Variants in MCC observed in about 807,000 individuals in gnomAD.
MCC encodes MCC regulator of Wnt signaling pathway.
A neutral mutation model predicts 116.2 loss-of-function variants in MCC; 90 were observed. That is an observed-to-expected ratio of 0.77 (90% confidence interval 0.65 to 0.92). The LOEUF (loss-of-function observed/expected upper bound fraction) is 0.92, where lower values mean the gene tolerates loss of function less well. Ranked by LOEUF, MCC falls within the 40% of genes least tolerant of loss-of-function variation. MCC has a pLI of 0.00. For missense variants in MCC, 1,516 were observed against 1,312.2 expected (o/e 1.16, Z -2.40); for synonymous variants, 578 against 510.5 (o/e 1.13, Z -1.78).
chr5:113,341,930 C>T (rs1318809218), intron 2 of MCC, among the ~76,000 whole-genome samples: 4 of 152,200 alleles, frequency 2.6e-5, no homozygotes, highest in East Asian at 1.9e-4. Flanking sequence ...GACTTTGGTG[C>T]ACCCATCACC....
At chr5:113,148,458 T>A (rs1172525381) in intron 4 of MCC, among the ~76,000 whole-genome samples, 1 of 152,236 alleles carries the variant, frequency 6.6e-6, no homozygotes, top group Non-Finnish European at 1.5e-5. Flanking sequence ...CAACAGATGT[T>A]GCAGCTCTCT....
chr5:113,058,103 G>C (rs890514199), intron 14 of MCC, among the ~76,000 whole-genome samples: 2 of 152,126 alleles, frequency 1.3e-5, no homozygotes, highest in African/African-American at 4.8e-5. Context: ...ATAACCAACA[G>C]CTGTGCGTCT....
At chr5:113,118,477 T>A (rs556484236) in intron 6 of MCC, among the ~76,000 whole-genome samples, 2 of 152,204 alleles carry the variant, frequency 1.3e-5, no homozygotes, top group Non-Finnish European at 2.9e-5. Flanking sequence ...GAAGACAGTG[T>A]CCAGGAACCA....
chr5:113,413,855 T>C (rs985382976), intron 1 of MCC, among the ~76,000 whole-genome samples: 2 of 152,194 alleles, frequency 1.3e-5, no homozygotes, highest in Non-Finnish European at 2.9e-5. Flanking sequence ...TTCTTTTAAT[T>C]GTGATGGTAG....
chr5:113,292,648 G>A (rs1766547925), intron 3 of MCC, among the ~76,000 whole-genome samples: 1 of 152,142 alleles, frequency 6.6e-6, no homozygotes, highest in African/African-American at 2.4e-5. Flanking sequence ...GCTCAAGGAC[G>A]TGCCAATAGG....
At chr5:113,209,863 C>G (rs1307412685) in intron 3 of MCC, among the ~76,000 whole-genome samples, 1 of 151,734 alleles carries the variant, frequency 6.6e-6, no homozygotes, top group Non-Finnish European at 1.5e-5. Flanking sequence ...AACAAACAAA[C>G]AAAAGCAAAA....
At position 113,104,254 on chromosome 5, in the gene MCC, C is replaced by T. The variant is rs1374279707; in HGVS notation, c.1129G>A (p.Glu377Lys). 3 of 1,614,084 alleles carry T rather than the reference C, an allele frequency of 1.9e-6. No homozygotes were observed. Among genetic ancestry groups the T allele is most frequent in the Non-Finnish European group, 1.7e-6 (2 of 1,180,026 alleles). The change falls in exon 7 of 19, where the codon GAG becomes AAG. Residue 377 changes from glutamate to lysine, a missense_variant. By Grantham distance (56) the Glu-to-Lys change is moderately conservative. Transcript: ENST00000408903. ...AGCTGCTCAATGTGCTTGTCCACCT[C>T]GGCCACGGAGAGGCTGCAGCTGCTC... Reference protein sequence around the residue: ...KKSSCSLSVAEVDKHIEQLTT... With the variant: ...KKSSCSLSVAKVDKHIEQLTT...
chr5:113,306,328 C>T (rs1766983697), intron 3 of MCC, among the ~76,000 whole-genome samples: 2 of 152,270 alleles, frequency 1.3e-5, no homozygotes, highest in South Asian at 4.2e-4. Context: ...TAAGGAACTA[C>T]CAAATTACTA....
chr5:113,270,610 T>A (rs764883367), intron 3 of MCC, among the ~76,000 whole-genome samples: 1 of 149,528 alleles, frequency 6.7e-6, no homozygotes. Flanking sequence ...TCCCACACAA[T>A]GGGACACAGA....
intron 11 of MCC, among the ~76,000 whole-genome samples, chr5:113,072,408 A>G (rs1415622987): frequency 6.6e-6 from 1 of 152,196 alleles, no homozygotes; most frequent in Non-Finnish European, 1.5e-5. Flanking sequence ...TCTTGAAAAG[A>G]GTCACCATTC....
rs1311855451 is a variant in MCC, at chr5:113,022,235, C to G, written c.*5067G>C. ...ACGCAAAGTAGCTATTTTACAGCAG[C>G]TAAAACTAAAGGCATCTGGAAACAT... is the stretch of plus-strand genomic sequence containing the variant. On this transcript the variant is annotated 3_prime_UTR_variant, in exon 19 of 19. Transcript: ENST00000408903. 1 of 152,520 alleles carries G rather than the reference C, an allele frequency of 6.6e-6. No homozygotes were observed. The highest frequency in any genetic ancestry group is 2.4e-5 in the African/African-American group (1 of 41,406). 9.4% of individuals were successfully genotyped at this position (152,520 alleles called of 1,614,324 possible).
At chr5:113,253,662 A>G (rs1235593992) in intron 3 of MCC, among the ~76,000 whole-genome samples, 1 of 152,206 alleles carries the variant, frequency 6.6e-6, no homozygotes, top group East Asian at 1.9e-4. Flanking sequence ...GGATGACTAC[A>G]TATGAAGAAA....
In MCC at chr5:113,333,789, T is replaced by A. The variant is rs369158246; in HGVS notation, c.627+6730A>T. Among the ~76,000 whole-genome samples, 9 of 10,072 alleles carry A rather than the reference T, an allele frequency of 8.9e-4. 1 individual carries two copies. In the South Asian group the frequency reaches 0.036, roughly 40 times the overall value. The allele number at this position is 10,072 out of a possible 152,430, so 6.6% of individuals were successfully genotyped here. A position where few individuals can be genotyped will look rare whatever the true frequency, so the allele number is the denominator to read the frequency against. On this transcript the variant is annotated intron_variant, in intron 3 of 18. Transcript: ENST00000408903. ...CAAAATGTCTTTGCTTCATATATAT[T>A]TATATATATATGTATATATGTATAT...
intron 3 of MCC, among the ~76,000 whole-genome samples, chr5:113,238,611 G>A (rs907538510): frequency 2.6e-5 from 4 of 152,326 alleles, no homozygotes; most frequent in East Asian, 1.9e-4. Context: ...AATGAAGGCT[G>A]TTAATGCTGA....
intron 5 of MCC, among the ~76,000 whole-genome samples, chr5:113,129,249 G>T (rs564334203): frequency 7.2e-5 from 11 of 152,170 alleles, no homozygotes; most frequent in Non-Finnish European, 1.5e-4. Context: ...GGGAAGAGAA[G>T]ATCAACTGTC....
intron 6 of MCC, among the ~76,000 whole-genome samples, chr5:113,109,210 T>C (rs1756932758): frequency 6.6e-6 from 1 of 152,196 alleles, no homozygotes; most frequent in Admixed American, 6.5e-5. Flanking sequence ...CAAATAATTG[T>C]ACCCCGATGT....
intron 2 of MCC, 68 bp from the exon 3 acceptor site, chr5:113,340,798 C>G: frequency 7.5e-7 from 1 of 1,324,598 alleles, no homozygotes. Flanking sequence ...GGCCAATAGG[C>G]AATGATTTGG....
intron 3 of MCC, among the ~76,000 whole-genome samples, chr5:113,319,533 A>G (rs1033341344): frequency 2.0e-5 from 3 of 152,148 alleles, no homozygotes; most frequent in Non-Finnish European, 4.4e-5. Context: ...TTGGCTGAGC[A>G]TTTTCTGTGA....
At chr5:113,037,396 G>GT (rs1174562782) in intron 17 of MCC, among the ~76,000 whole-genome samples, 1 of 152,172 alleles carries the variant, frequency 6.6e-6, no homozygotes, top group African/African-American at 2.4e-5. Context: ...CCACTGATGG[G>GT]TAAAGAGTAG....
Sources: allele counts gnomAD v4.1 joint callset (sites outside exome capture counted in the v4.1 genomes callset), GRCh38; gene constraint gnomAD v4.1.1; transcripts MANE v1.5; gene names NCBI Gene and HGNC (gene_info 2026-07-23, HGNC 2026-07-21).